Variants in LPIN2 observed in about 807,000 individuals in gnomAD.
The protein encoded by LPIN2 is phosphatidate phosphatase LPIN2.
Under a neutral mutation model 111.4 loss-of-function variants are expected in LPIN2, and 55 were observed. The observed-to-expected ratio is 0.49, with a 90% CI of 0.40 to 0.62. The LOEUF is 0.62. LPIN2 is among the 20% of genes least tolerant of loss of function. The pLI, the probability that LPIN2 is intolerant of heterozygous loss-of-function variation, is 0.00. For missense variants in LPIN2, 992 were observed against 1,112.1 expected, an observed-to-expected ratio of 0.89 and a Z score of 1.54; for synonymous variants, 425 against 414.0, an observed-to-expected ratio of 1.03 and a Z score of -0.32.
At chr18:2,973,028 T>C (rs921518770) in intron 1 of LPIN2, among the ~76,000 whole-genome samples, 7 of 152,194 alleles carry the variant, frequency 4.6e-5, no homozygotes, top group African/African-American at 1.7e-4. Flanking sequence ...ATTCTGTTTA[T>C]AATTAATAAT....
intron 2 of LPIN2, among the ~76,000 whole-genome samples, chr18:2,958,424 G>A (rs916481352): frequency 4.6e-5 from 7 of 151,964 alleles, no homozygotes; most frequent in Admixed American, 1.3e-4. Context: ...AGGTACACCC[G>A]TATTTGAAAA....
At chr18:2,955,328 C>T (rs1242337177) in intron 2 of LPIN2, among the ~76,000 whole-genome samples, 3 of 152,096 alleles carry the variant, frequency 2.0e-5, no homozygotes, top group Non-Finnish European at 2.9e-5. Context: ...CCTTTACTCA[C>T]GGTGAAAGGC....
intron 1 of LPIN2, among the ~76,000 whole-genome samples, chr18:2,963,446 GA>G (rs1190545745): frequency 6.6e-6 from 1 of 151,942 alleles, no homozygotes; most frequent in African/African-American, 2.4e-5. Flanking sequence ...ACCAGCAGCA[GA>G]AAAGATACAC....
intron 8 of LPIN2, among the ~76,000 whole-genome samples, chr18:2,932,982 C>T (rs566281267): frequency 6.6e-6 from 1 of 151,810 alleles, no homozygotes; most frequent in East Asian, 1.9e-4. Flanking sequence ...TTACCCCAAC[C>T]AGTAACAACA....
intron 1 of LPIN2, among the ~76,000 whole-genome samples, chr18:2,978,335 C>T (rs1047178866): frequency 2.0e-5 from 3 of 152,144 alleles, no homozygotes; most frequent in African/African-American, 7.2e-5. Context: ...GAAGACACCA[C>T]CATAATCAAG....
chr18:2,935,883 T>C (rs879061190), intron 7 of LPIN2, among the ~76,000 whole-genome samples: 1 of 152,068 alleles, frequency 6.6e-6, no homozygotes, highest in Non-Finnish European at 1.5e-5. Context: ...GCCAAAAGAA[T>C]AGTAAAAACC....
intron 16 of LPIN2, among the ~76,000 whole-genome samples, chr18:2,923,191 C>A (rs779090841): frequency 4.6e-5 from 7 of 151,958 alleles, no homozygotes; most frequent in African/African-American, 1.7e-4. Context: ...GAGGCCGAGG[C>A]GGGGAGATCA....
chr18:2,991,961 T>C (rs753995007), intron 1 of LPIN2, among the ~76,000 whole-genome samples: 3 of 150,146 alleles, frequency 2.0e-5, no homozygotes, highest in African/African-American at 7.4e-5. Context: ...TGAGCTGAGA[T>C]AGCGCCACTG....
At chr18:2,963,485 T>C (rs1430275121) in intron 1 of LPIN2, among the ~76,000 whole-genome samples, 1 of 151,876 alleles carries the variant, frequency 6.6e-6, no homozygotes, top group Admixed American at 6.6e-5. Flanking sequence ...GTTTAAAAAA[T>C]ATAGCAAAAT....
chr18:2,984,620 A>T (rs2078160869), intron 1 of LPIN2, among the ~76,000 whole-genome samples: 1 of 152,174 alleles, frequency 6.6e-6, no homozygotes, highest in Non-Finnish European at 1.5e-5. Context: ...AGGAAATAAA[A>T]TGTAGAAGAG....
chr18:2,949,368 A>T (rs2077500273), intron 4 of LPIN2, among the ~76,000 whole-genome samples: 1 of 152,228 alleles, frequency 6.6e-6, no homozygotes, highest in Non-Finnish European at 1.5e-5. Flanking sequence ...GACAAAAAAA[A>T]TTACCTAAAT....
intron 1 of LPIN2, among the ~76,000 whole-genome samples, chr18:2,964,338 A>G (rs1462633401): frequency 1.3e-5 from 2 of 150,512 alleles, no homozygotes; most frequent in African/African-American, 2.4e-5. Flanking sequence ...AGTAATATCT[A>G]TGACCTCCCT....
intron 13 of LPIN2, among the ~76,000 whole-genome samples, chr18:2,926,271 G>GAGGTGGA (rs2077128960): frequency 6.6e-6 from 1 of 152,260 alleles, no homozygotes; most frequent in Non-Finnish European, 1.5e-5. Context: ...CTGGCCGGGG[G>GAGGTGGA]AGGTGGACAG....
In LPIN2 at chr18:2,917,913, T is replaced by C. The variant is rs534742771; in HGVS notation, c.*2380A>G. ...GTCACTGAAGATAGCGCGAGGGTGA[T>C]GCTTCAACTCACCATCCTAAGGGTT... On this transcript the variant is annotated 3_prime_UTR_variant, in exon 20 of 20. Coordinates refer to ENST00000677752, the MANE Select transcript of LPIN2 (RefSeq NM_001375808.2). 1 of 152,350 alleles carries C rather than the reference T, an allele frequency of 6.6e-6. No homozygotes were observed. Among genetic ancestry groups the C allele is most frequent in the East Asian group, 1.9e-4 (1 of 5,192 alleles). The allele number at this position is 152,350 out of a possible 1,614,324, so 9.4% of individuals were successfully genotyped here.
At position 2,931,472 on chromosome 18, in the gene LPIN2, G is replaced by A. The variant is rs371719982; in HGVS notation, c.1269-29C>T. 2.4e-5 allele frequency: 37 copies of A among 1,549,010 alleles called. No homozygotes were observed. The African/African-American group carries it at 4.5e-4, about 19-fold the overall frequency. On this transcript the variant is annotated intron_variant, in intron 8 of 19. Coordinates refer to ENST00000677752, the MANE Select transcript of LPIN2 (RefSeq NM_001375808.2). ...TGGACAGGGGATGGGGAAAAGATGT[G>A]CTTTATTACAACTCCTTGAATTCCT...
intron 8 of LPIN2, 135 bp downstream of exon 8, chr18:2,934,216 C>A: frequency 1.5e-6 from 1 of 660,184 alleles, no homozygotes; most frequent in Middle Eastern, 4.2e-4. Context: ...CTAAATTTTC[C>A]AAAACCTGAA....
intron 1 of LPIN2, among the ~76,000 whole-genome samples, chr18:2,999,618 A>AG (rs1327923447): frequency 6.6e-6 from 1 of 151,092 alleles, no homozygotes; most frequent in Non-Finnish European, 1.5e-5. Context: ...AGAAAAAAAA[A>AG]AAAGAGGAAA....
chr18:2,994,347 T>C (rs577701744), intron 1 of LPIN2, among the ~76,000 whole-genome samples: 2 of 152,356 alleles, frequency 1.3e-5, no homozygotes, highest in South Asian at 2.1e-4. Context: ...ACCTGTGCCC[T>C]GGTCAGTGTA....
rs562780770 is a variant in LPIN2 at position 2,932,651 on chromosome 18, G to C, written c.1269-1208C>G. ...CTCCTCTTTCTCCGGGGCACACGGC[G>C]AGGCCCCCTTGCAGTCAGGTGGGGC... On this transcript the variant is annotated intron_variant, in intron 8 of 19. Transcript: ENST00000677752. 1.0e-3 allele frequency among the ~76,000 whole-genome samples: 156 copies of C among 152,306 alleles called. 2 individuals are homozygous for C. In the Middle Eastern group the frequency reaches 0.02, roughly 20 times the overall value.
Sources: gnomAD v4.1 joint callset for allele counts (sites outside exome capture counted in the v4.1 genomes callset) on GRCh38, gnomAD v4.1.1 for gene constraint, MANE v1.5 for transcripts, NCBI Gene and HGNC (gene_info 2026-07-23, HGNC 2026-07-21) for gene names.